Variants in AKT3 observed in about 807,000 individuals in gnomAD.
The protein encoded by AKT3 is AKT serine/threonine kinase 3.
AKT3 carries 15 observed loss-of-function variants against 65.3 expected under a neutral mutation model. That is an observed-to-expected ratio of 0.23 (90% CI 0.15 to 0.35). The LOEUF is 0.35. Ranked by LOEUF, AKT3 falls within the 10% of genes least tolerant of loss-of-function variation. The pLI, the probability that AKT3 is intolerant of heterozygous loss-of-function variation, is 1.00. For missense variants in AKT3, 243 were observed against 576.5 expected (o/e 0.42, Z 5.92); for synonymous variants, 206 against 183.8 (o/e 1.12, Z -0.98).
chr1:243,489,481 G>A (rs1040257877), intron 13 of AKT3, among the ~76,000 whole-genome samples: 4 of 152,210 alleles, frequency 2.6e-5, no homozygotes, highest in African/African-American at 9.6e-5. Context: ...GCTTTTTGGA[G>A]GATGGTGGCC....
intron 2 of AKT3, among the ~76,000 whole-genome samples, chr1:243,828,559 C>T (rs1432356554): frequency 6.6e-6 from 1 of 152,174 alleles, no homozygotes; most frequent in African/African-American, 2.4e-5. Context: ...CCTCAGCCTA[C>T]TTGACTTGAA....
intron 6 of AKT3, among the ~76,000 whole-genome samples, chr1:243,632,573 C>T (rs1376221568): frequency 6.6e-6 from 1 of 152,172 alleles, no homozygotes; most frequent in African/African-American, 2.4e-5. Flanking sequence ...ATGGCTTCAA[C>T]TTAAAGTCAC....
chr1:243,772,920 A>G (rs1227684220), intron 2 of AKT3, among the ~76,000 whole-genome samples: 1 of 151,724 alleles, frequency 6.6e-6, no homozygotes, highest in Non-Finnish European at 1.5e-5. Context: ...CATCATTCTC[A>G]GCAAACTATC....
chr1:243,533,187 A>C (rs1460857011), intron 12 of AKT3, among the ~76,000 whole-genome samples: 2 of 152,234 alleles, frequency 1.3e-5, no homozygotes, highest in African/African-American at 4.8e-5. Flanking sequence ...TGGTTAACCA[A>C]AATAATGAAG....
intron 2 of AKT3, among the ~76,000 whole-genome samples, chr1:243,786,780 C>T (rs1396096618): frequency 1.3e-5 from 2 of 152,148 alleles, no homozygotes; most frequent in Non-Finnish European, 2.9e-5. Flanking sequence ...TTCCTACTCA[C>T]CCACAGGTCT....
intron 2 of AKT3, among the ~76,000 whole-genome samples, chr1:243,790,595 A>T (rs937113687): frequency 6.6e-6 from 1 of 152,202 alleles, no homozygotes; most frequent in Non-Finnish European, 1.5e-5. Context: ...GGTTCACTGG[A>T]ATAGCACTTT....
downstream of AKT3, among the ~76,000 whole-genome samples, chr1:243,498,124 G>C (rs1558560396): frequency 6.6e-6 from 1 of 152,236 alleles, no homozygotes; most frequent in Non-Finnish European, 1.5e-5. Context: ...CCATGGAGCA[G>C]GGGTGGAGGG....
At chr1:243,598,521 C>G (rs982717869) in intron 8 of AKT3, among the ~76,000 whole-genome samples, 3 of 152,178 alleles carry the variant, frequency 2.0e-5, no homozygotes, top group African/African-American at 7.2e-5. Context: ...CCATAACTCT[C>G]TCTCATAATA....
At chr1:243,836,470 G>GAA (rs550274622) in intron 2 of AKT3, among the ~76,000 whole-genome samples, 1 of 135,580 alleles carries the variant, frequency 7.4e-6, no homozygotes. Context: ...AGAACTAGAG[G>GAA]AAAAAAAAAA....
At chr1:243,739,803 C>T (rs188186822) in intron 2 of AKT3, among the ~76,000 whole-genome samples, 5 of 152,344 alleles carry the variant, frequency 3.3e-5, no homozygotes, top group African/African-American at 1.2e-4. Context: ...ATAAACAATG[C>T]TTTCCCCAAA....
At chr1:243,831,799 T>G (rs1694530482) in intron 2 of AKT3, among the ~76,000 whole-genome samples, 3 of 152,072 alleles carry the variant, frequency 2.0e-5, no homozygotes, top group African/African-American at 7.2e-5. Flanking sequence ...CCAAAACTTC[T>G]GAGCCCCTCC....
chr1:243,510,649 T>C (rs1469253949), intron 13 of AKT3, among the ~76,000 whole-genome samples: 3 of 152,166 alleles, frequency 2.0e-5, no homozygotes, highest in Non-Finnish European at 4.4e-5. Context: ...ACGTGTGGCA[T>C]GTTCGAGGTG....
intron 2 of AKT3, among the ~76,000 whole-genome samples, chr1:243,832,584 T>A (rs1005208618): frequency 6.6e-6 from 1 of 152,048 alleles, no homozygotes; most frequent in Non-Finnish European, 1.5e-5. Context: ...AGGCAGAAAT[T>A]GAAGGAAACT....
At chr1:243,668,877 G>C (rs927613495) in intron 3 of AKT3, among the ~76,000 whole-genome samples, 1 of 152,100 alleles carries the variant, frequency 6.6e-6, no homozygotes, top group African/African-American at 2.4e-5. Flanking sequence ...GCAAGACAAT[G>C]AAAAGGTGGT....
downstream of AKT3, among the ~76,000 whole-genome samples, chr1:243,497,338 G>GT (rs1668199967): frequency 1.3e-5 from 1 of 79,952 alleles, no homozygotes; most frequent in African/African-American, 6.5e-5. Flanking sequence ...AGGCACGGGT[G>GT]GGGGGGGGGG....
chr1:243,490,972 T>A (rs1666263418), intron 13 of AKT3, among the ~76,000 whole-genome samples: 1 of 152,188 alleles, frequency 6.6e-6, no homozygotes, highest in Non-Finnish European at 1.5e-5. Context: ...TAGGCTCTTG[T>A]CACATAGGAG....
At chr1:243,686,372 A>G (rs1684291731) in intron 3 of AKT3, among the ~76,000 whole-genome samples, 1 of 151,998 alleles carries the variant, frequency 6.6e-6, no homozygotes, top group Middle Eastern at 3.4e-3. Flanking sequence ...TCAAAGTCCT[A>G]GGCATGAAAT....
chr1:243,718,474 C>G (rs900791461), intron 2 of AKT3, among the ~76,000 whole-genome samples: 1 of 151,704 alleles, frequency 6.6e-6, no homozygotes, highest in Admixed American at 6.6e-5. Context: ...TTTTTTCAGA[C>G]AGTCTCTCTC....
At chr1:243,701,834 C>A (rs1685482807) in intron 2 of AKT3, among the ~76,000 whole-genome samples, 1 of 151,998 alleles carries the variant, frequency 6.6e-6, no homozygotes, top group South Asian at 2.1e-4. Context: ...AGCATCCTCA[C>A]ATGTATGTCA....
Sources: allele counts gnomAD v4.1 joint callset (sites outside exome capture counted in the v4.1 genomes callset), GRCh38; gene constraint gnomAD v4.1.1; transcripts MANE v1.5; gene names NCBI Gene and HGNC (gene_info 2026-07-23, HGNC 2026-07-21).